Variants in SLC39A14 observed in about 807,000 individuals in gnomAD.
The protein encoded by SLC39A14 is metal cation symporter ZIP14.
SLC39A14 carries 19 observed loss-of-function variants against 45.5 expected under a neutral mutation model. The ratio of observed to expected loss-of-function variants is 0.42; its 90% CI spans 0.29 to 0.61. The LOEUF (loss-of-function observed/expected upper bound fraction) is 0.61, where lower values mean the gene tolerates loss of function less well. SLC39A14 is among the 20% of genes least tolerant of loss of function. SLC39A14 has a pLI of 0.22. For missense variants in SLC39A14, 447 were observed against 616.5 expected (o/e 0.73, Z 2.91); for synonymous variants, 264 against 251.3 (o/e 1.05, Z -0.48).
At chr8:22,377,122 T>C (rs574726597) in intron 1 of SLC39A14, among the ~76,000 whole-genome samples, 7 of 152,314 alleles carry the variant, frequency 4.6e-5, no homozygotes, top group African/African-American at 1.7e-4. Flanking sequence ...TGGCCCTGCT[T>C]CCCCATTTAT....
At chr8:22,378,933 G>A (rs948967320) in intron 1 of SLC39A14, among the ~76,000 whole-genome samples, 1 of 152,184 alleles carries the variant, frequency 6.6e-6, no homozygotes, top group South Asian at 2.1e-4. Flanking sequence ...CCAGAAACTT[G>A]GTGGCTTAAA....
At chr8:22,381,364 G>A (rs979583522) in intron 1 of SLC39A14, among the ~76,000 whole-genome samples, 4 of 151,838 alleles carry the variant, frequency 2.6e-5, no homozygotes, top group Non-Finnish European at 4.4e-5. Flanking sequence ...TCCGCCTCCC[G>A]GGTTCACGCC....
At chr8:22,399,805 G>C (rs1425803494) in intron 1 of SLC39A14, among the ~76,000 whole-genome samples, 1 of 152,254 alleles carries the variant, frequency 6.6e-6, no homozygotes, top group Admixed American at 6.5e-5. Flanking sequence ...CTAGGTGAGT[G>C]CCAGCCAGGC....
chr8:22,406,119 G>A (rs767333422), intron 2 of SLC39A14, among the ~76,000 whole-genome samples: 3 of 152,200 alleles, frequency 2.0e-5, no homozygotes, highest in Non-Finnish European at 4.4e-5. Context: ...GTGTCCTCCA[G>A]CTGCCCCTTG....
At position 22,411,835 on chromosome 8, in the gene SLC39A14, TAAC is replaced by T. The variant is rs1026801754; in HGVS notation, c.458-199_458-197del. The T allele has an allele frequency of 5.3e-6, 3 of 565,482 alleles. No individual in the cohort carries two copies. The African/African-American group carries it at 5.6e-5, about 11-fold the overall frequency. The allele number at this position is 565,482 out of a possible 1,614,324, so 35.0% of individuals were successfully genotyped here. The stretch of plus-strand genomic sequence containing the variant: ...GGAAATTTCATCAGATGTGAATCAC[TAAC>T]AAATTTTCTATTTCTCTCTCCCTCC... On this transcript the variant is annotated intron_variant, in intron 3 of 8. Coordinates refer to ENST00000381237, the MANE Select transcript of SLC39A14 (RefSeq NM_001128431.4).
At chr8:22,379,212 C>G (rs1023194172) in intron 1 of SLC39A14, among the ~76,000 whole-genome samples, 2 of 152,160 alleles carry the variant, frequency 1.3e-5, no homozygotes, top group Non-Finnish European at 2.9e-5. Flanking sequence ...ATTTAGGGCC[C>G]ATCGTAAATC....
At chr8:22,426,540 A>T (rs2132398708), downstream of SLC39A14, among the ~76,000 whole-genome samples, 1 of 152,300 alleles carries the variant, frequency 6.6e-6, no homozygotes, top group African/African-American at 2.4e-5. Context: ...TTTGTGGAAC[A>T]CTGAGGTTCC....
intron 1 of SLC39A14, among the ~76,000 whole-genome samples, chr8:22,368,726 C>T (rs1832779567): frequency 2.0e-5 from 3 of 151,614 alleles, no homozygotes; most frequent in South Asian, 4.2e-4. Context: ...TTAGTAGAGA[C>T]GGGGTTTCAC....
intron 3 of SLC39A14, among the ~76,000 whole-genome samples, chr8:22,411,400 G>A (rs1253063549): frequency 6.6e-6 from 1 of 152,220 alleles, no homozygotes; most frequent in Non-Finnish European, 1.5e-5. Flanking sequence ...GAAGTTGAGA[G>A]GTTAAGACAC....
At chr8:22,410,370 C>T (rs960749639) in intron 3 of SLC39A14, among the ~76,000 whole-genome samples, 1 of 152,162 alleles carries the variant, frequency 6.6e-6, no homozygotes, top group African/African-American at 2.4e-5. Context: ...TGACAGTCTC[C>T]CCTCCCTTGT....
intron 1 of SLC39A14, among the ~76,000 whole-genome samples, chr8:22,394,589 G>C (rs775417890): frequency 6.6e-6 from 1 of 152,266 alleles, no homozygotes; most frequent in East Asian, 1.9e-4. Context: ...AAAGTGCTGG[G>C]ATTGCAGGCG....
chr8:22,420,963 T>C lies in SLC39A14; in HGVS notation c.*1265T>C. On this transcript the variant is annotated 3_prime_UTR_variant, in exon 9 of 9. Coordinates refer to ENST00000381237, the MANE Select transcript of SLC39A14 (RefSeq NM_001128431.4). ...TCTCTAACTCTCTCCAGAAAATGGA[T>C]GGAGATAACTTGTCTTTAAAACTGT... 1.0e-6 allele frequency: 1 copy of C among 985,620 alleles called. No individual in the cohort carries two copies. Among genetic ancestry groups the C allele is most frequent in the Non-Finnish European group, 1.2e-6 (1 of 829,704 alleles). The allele number at this position is 985,620 out of a possible 1,614,324, so 61.1% of individuals were successfully genotyped here.
chr8:22,381,550 G>A (rs1436373133), intron 1 of SLC39A14, among the ~76,000 whole-genome samples: 4 of 152,160 alleles, frequency 2.6e-5, no homozygotes, highest in Admixed American at 1.3e-4. Context: ...GATTACAGGC[G>A]TGAGCCATAG....
chr8:22,408,863 G>A (rs372457753), intron 3 of SLC39A14, among the ~76,000 whole-genome samples: 1 of 141,178 alleles, frequency 7.1e-6, no homozygotes, highest in Non-Finnish European at 1.5e-5. Flanking sequence ...CTCTGTCTCC[G>A]AGGCTGGAGT....
At chr8:22,402,209 G>A (rs1340055880) in intron 1 of SLC39A14, among the ~76,000 whole-genome samples, 10 of 151,932 alleles carry the variant, frequency 6.6e-5, no homozygotes, top group Admixed American at 5.3e-4. Context: ...GTGAAACCCC[G>A]TCTCTACTAA....
chr8:22,398,194 T>C (rs1457613847), intron 1 of SLC39A14: 1 of 152,144 alleles, frequency 6.6e-6, no homozygotes, highest in African/African-American at 2.4e-5. Context: ...CTGTGGTCTT[T>C]CTTTGTGTAG....
In SLC39A14 at chr8:22,417,670, C is replaced by G. The variant is rs767145606; in HGVS notation, c.1167C>G (p.Leu389=). 3 of 1,613,720 alleles carry G rather than the reference C, an allele frequency of 1.9e-6. No homozygotes were observed. The highest frequency in any genetic ancestry group is 1.3e-5 in the African/African-American group (1 of 74,914). ...CTGTAGGAGACTTTGTCATCCTGCT[C>G]AACGCTGGGATGAGCATCCAACAAG... The part of the protein sequence containing the change: ...PHELGDFVIL[L]NAGMSIQQAL... The change falls in exon 8 of 9, where the codon CTC becomes CTG. Residue 389 remains leucine (L), a synonymous_variant. Coordinates refer to ENST00000381237, the MANE Select transcript of SLC39A14 (RefSeq NM_001128431.4).
chr8:22,388,051 C>G, intron 1 of SLC39A14, among the ~76,000 whole-genome samples: 1 of 152,330 alleles, frequency 6.6e-6, no homozygotes, highest in East Asian at 1.9e-4. Flanking sequence ...TGTGCATGTA[C>G]ACATTTAAGC....
intron 2 of SLC39A14, among the ~76,000 whole-genome samples, 154 bp from the exon 3 acceptor site, chr8:22,408,156 C>T (rs1379742618): frequency 2.0e-5 from 3 of 152,234 alleles, no homozygotes; most frequent in African/African-American, 4.8e-5. Context: ...ATACCTTGCC[C>T]TCATCCCTAG....
Sources: gnomAD v4.1 joint callset for allele counts (sites outside exome capture counted in the v4.1 genomes callset) on GRCh38, gnomAD v4.1.1 for gene constraint, MANE v1.5 for transcripts, NCBI Gene and HGNC (gene_info 2026-07-23, HGNC 2026-07-21) for gene names.